KIF2C: variants seen among roughly 807,000 people sequenced by gnomAD.
The protein encoded by KIF2C is kinesin-like protein KIF2C.
KIF2C carries 34 observed loss-of-function variants against 97.4 expected under a neutral mutation model. The ratio of observed to expected loss-of-function variants is 0.35; its 90% CI spans 0.27 to 0.46. The LOEUF (loss-of-function observed/expected upper bound fraction) is 0.46, where lower values mean the gene tolerates loss of function less well. KIF2C is among the 20% of genes least tolerant of loss of function. KIF2C has a pLI of 1.00. For synonymous variants in KIF2C, 313 were observed against 318.2 expected (o/e 0.98, Z 0.17); for missense variants, 750 against 907.6 (o/e 0.83, Z 2.23).
intron 2 of KIF2C, among the ~76,000 whole-genome samples, chr1:44,746,065 CAG>C (rs368632393): frequency 4.4e-4 from 66 of 151,718 alleles, no homozygotes; most frequent in Admixed American, 1.3e-3. Flanking sequence ...TTAGTAGAGA[CAG>C]GGGTTTCACC....
At position 44,762,633 on chromosome 1, in the gene KIF2C, T is replaced by C. The variant is rs1650225912; in HGVS notation, c.1946T>C (p.Met649Thr). The C allele has an allele frequency of 6.2e-7, 1 of 1,613,940 alleles. No homozygotes were observed. The highest frequency in any genetic ancestry group is 8.5e-7 in the Non-Finnish European group (1 of 1,179,858). The change falls in exon 19 of 21, where the codon ATG (methionine) becomes ACG (threonine). Residue 649 changes from methionine (M) to threonine (T), a missense_variant. Coordinates refer to ENST00000372224, the MANE Select transcript of KIF2C (RefSeq NM_006845.4). ...TQIRELEEKA[M>T]EELKEIIQQG... Reference sequence around the variant, plus strand: ...ATCAGGGAGCTGGAGGAGAAGGCTATGGAAGAGCTCAAGGAGATCATACAG... The same window carrying C: ...ATCAGGGAGCTGGAGGAGAAGGCTACGGAAGAGCTCAAGGAGATCATACAG...
chr1:44,759,097 T>C (rs1273130114), intron 13 of KIF2C, 109 bp from the exon 14 acceptor site: 7 of 1,418,950 alleles, frequency 4.9e-6, no homozygotes, highest in African/African-American at 4.2e-5. Context: ...ATTCTCTGCC[T>C]TTCCTGCTGC....
chr1:44,766,868 C>A lies in KIF2C; in HGVS notation c.2014C>A (p.Pro672Thr). The stretch of plus-strand genomic sequence containing the variant: ...TGAGCTCTCTGAGATGACCGAGCAG[C>A]CAGACTATGACCTGGAGACCTTTGT... ...WLELSEMTEQ[P>T]DYDLETFVNK... The change falls in exon 20 of 21, where the codon CCA (proline) becomes ACA (threonine). Residue 672 changes from proline (P) to threonine (T), a missense_variant. Pro to Thr is a conservative substitution (Grantham distance 38). Coordinates refer to ENST00000372224, the MANE Select transcript of KIF2C (RefSeq NM_006845.4). 1 of 1,614,208 alleles carries A rather than the reference C, an allele frequency of 6.2e-7. No homozygotes were observed. Among genetic ancestry groups the A allele is most frequent in the Non-Finnish European group, 8.5e-7 (1 of 1,180,028 alleles).
intron 19 of KIF2C, among the ~76,000 whole-genome samples, chr1:44,764,910 G>A (rs1036114449): frequency 1.3e-5 from 2 of 151,992 alleles, no homozygotes; most frequent in Admixed American, 6.6e-5. Context: ...AACTAAGGTC[G>A]GGAGTTTGAA....
intron 8 of KIF2C, among the ~76,000 whole-genome samples, chr1:44,755,585 TTGG>T (rs1649787682): frequency 6.6e-6 from 1 of 152,226 alleles, no homozygotes; most frequent in Non-Finnish European, 1.5e-5. Flanking sequence ...TTAATATCCT[TTGG>T]TGGGCTGAAG....
intron 19 of KIF2C, 58 bp downstream of exon 19, chr1:44,762,716 C>T: frequency 9.1e-7 from 1 of 1,103,258 alleles, no homozygotes; most frequent in Non-Finnish European, 1.4e-6. Context: ...GTATGCTCCA[C>T]ACCATTCCCA....
At chr1:44,754,704 C>T (rs776360246) in intron 7 of KIF2C, 46 bp from the exon 8 acceptor site, 2 of 1,144,244 alleles carry the variant, frequency 1.7e-6, no homozygotes, top group African/African-American at 1.5e-5. Context: ...TCTGAGAGCA[C>T]TTATATCTTA....
At chr1:44,754,049 G>T (rs1573563980) in intron 7 of KIF2C, among the ~76,000 whole-genome samples, 1 of 145,600 alleles carries the variant, frequency 6.9e-6, no homozygotes, top group African/African-American at 2.6e-5. Flanking sequence ...CCACCTCTGG[G>T]TTCAAGTGAT....
At chr1:44,765,562 C>T (rs150612993) in intron 19 of KIF2C, among the ~76,000 whole-genome samples, 6 of 152,222 alleles carry the variant, frequency 3.9e-5, no homozygotes, top group African/African-American at 7.2e-5. Flanking sequence ...GGGCTGGGCG[C>T]GGTGGCTTAT....
At chr1:44,758,684 G>A (rs1649971822) in intron 13 of KIF2C, among the ~76,000 whole-genome samples, 1 of 152,104 alleles carries the variant, frequency 6.6e-6, no homozygotes, top group Non-Finnish European at 1.5e-5. Context: ...AGACCAGCCT[G>A]GCTAACATGG....
chr1:44,750,304 C>T (rs1649439468), intron 4 of KIF2C, 138 bp from the exon 5 acceptor site: 3 of 922,978 alleles, frequency 3.3e-6, no homozygotes, highest in South Asian at 4.2e-5. Flanking sequence ...TTTTTCCTTT[C>T]TAAGGAATAT....
chr1:44,756,433 C>A (rs997451770), intron 10 of KIF2C, among the ~76,000 whole-genome samples, 196 bp downstream of exon 10: 11 of 151,928 alleles, frequency 7.2e-5, no homozygotes, highest in Admixed American at 7.2e-4. Context: ...TCACCCGTTA[C>A]GTGCTGAGGC....
chr1:44,749,262 T>C (rs1649381221), intron 4 of KIF2C, among the ~76,000 whole-genome samples: 1 of 151,894 alleles, frequency 6.6e-6, no homozygotes, highest in Admixed American at 6.6e-5. Context: ...GTGAAACCCC[T>C]GTCTCTACTA....
rs1352703953 is a variant in KIF2C, at chr1:44,760,427, T to C, written c.1515T>C (p.Ala505=). 1.2e-6 allele frequency: 2 copies of C among 1,614,252 alleles called. No individual in the cohort carries two copies. The highest frequency in any genetic ancestry group is 1.7e-6 in the Non-Finnish European group (2 of 1,180,042). ...GNERGADTSS[A]DRQTRMEGAE... is the part of the protein sequence containing the mutation. ...AGCGAGGCGCGGACACTTCCAGTGC[T>C]GACCGGCAGACCCGCATGGAGGGCG... Residue 505 remains alanine, a synonymous_variant, in exon 15 of 21, where the codon GCT becomes GCC. Transcript: ENST00000372224. The surrounding 1 kb of genome is among the most constrained non-coding windows in gnomAD (Gnocchi z 4.2).
At position 44,756,231 on chromosome 1, in the gene KIF2C, T is replaced by C. The variant is rs768266574; in HGVS notation, c.971T>C (p.Val324Ala). ...GATGAAACAGCTTCGAATGAAGTTG[T>C]CTACAGGTTAGTCCCTTGCATCCAT... Reference protein sequence around the residue: ...AFDETASNEVVYRFTARPLVQ... With the variant: ...AFDETASNEVAYRFTARPLVQ... Residue 324 changes from valine (V) to alanine (A), a missense_variant, in exon 10 of 21, where the codon GTC becomes GCC. By Grantham distance (64) the Val-to-Ala change is moderately conservative. Transcript: ENST00000372224. 6.2e-7 allele frequency: 1 copy of C among 1,614,170 alleles called. No homozygotes were observed. The highest frequency in any genetic ancestry group is 8.5e-7 in the Non-Finnish European group (1 of 1,179,998).
At chr1:44,762,065 G>A in intron 17 of KIF2C, 82 bp downstream of exon 17, 1 of 1,215,952 alleles carries the variant, frequency 8.2e-7, no homozygotes, top group South Asian at 1.2e-5. Context: ...GAGGCTCTGG[G>A]GCCTCAGGGC....
chr1:44,755,828 G>T, intron 8 of KIF2C, 101 bp from the exon 9 acceptor site: 1 of 1,076,806 alleles, frequency 9.3e-7, no homozygotes, highest in South Asian at 1.3e-5. Context: ...CCTCTGACTG[G>T]GCCAGACATG....
chr1:44,764,694 A>G (rs1020826476), intron 19 of KIF2C, among the ~76,000 whole-genome samples: 1 of 151,556 alleles, frequency 6.6e-6, no homozygotes, highest in Admixed American at 6.6e-5. Context: ...TTTTTAGTAG[A>G]GACGGGATTT....
chr1:44,758,437 A>G (rs974075810), intron 13 of KIF2C, among the ~76,000 whole-genome samples: 2 of 152,040 alleles, frequency 1.3e-5, no homozygotes, highest in African/African-American at 4.8e-5. Flanking sequence ...CCGATTGTGC[A>G]CGTTCAGTCT....
Sources: gnomAD v4.1 joint callset for allele counts (sites outside exome capture counted in the v4.1 genomes callset) on GRCh38, gnomAD v4.1.1 for gene constraint, Gnocchi (gnomAD v3.1) non-coding constraint, MANE v1.5 for transcripts, NCBI Gene and HGNC (gene_info 2026-07-23, HGNC 2026-07-21) for gene names.